Variants in SCFD2 observed in about 807,000 individuals in gnomAD.
The protein encoded by SCFD2 is sec1 family domain-containing protein 2.
SCFD2 carries 54 observed loss-of-function variants against 58.9 expected under a neutral mutation model. The observed-to-expected ratio is 0.92, with a 90% confidence interval of 0.74 to 1.15. The LOEUF is 1.15. Ranked by LOEUF, SCFD2 falls within the 50% of genes most tolerant of loss-of-function variation. The pLI, the probability that SCFD2 is intolerant of heterozygous loss-of-function variation, is 0.00. For missense variants in SCFD2, 805 were observed against 836.6 expected (o/e 0.96, Z 0.47); for synonymous variants, 321 against 335.9 (o/e 0.96, Z 0.49).
At chr4:53,090,583 C>T (rs1724440079) in intron 5 of SCFD2, among the ~76,000 whole-genome samples, 3 of 152,128 alleles carry the variant, frequency 2.0e-5, no homozygotes, top group Non-Finnish European at 4.4e-5. Context: ...CAGTATGTGA[C>T]TTGGGATAAG....
intron 5 of SCFD2, among the ~76,000 whole-genome samples, chr4:53,007,224 A>G (rs1721988176): frequency 6.7e-6 from 1 of 148,356 alleles, no homozygotes; most frequent in African/African-American, 2.5e-5. Context: ...GGTTACAGTG[A>G]GCCATGATTG....
chr4:53,201,359 C>A (rs367746631), intron 4 of SCFD2, among the ~76,000 whole-genome samples: 7 of 152,164 alleles, frequency 4.6e-5, no homozygotes, highest in South Asian at 2.1e-4. Flanking sequence ...TGAACTCATC[C>A]TTTTTTATGG....
intron 4 of SCFD2, among the ~76,000 whole-genome samples, chr4:53,213,110 C>A (rs9998819): frequency 6.6e-6 from 1 of 151,752 alleles, no homozygotes. Context: ...ATGATAATCA[C>A]GATTAAATTA....
At chr4:53,041,731 A>G (rs1722905472) in intron 5 of SCFD2, among the ~76,000 whole-genome samples, 1 of 152,162 alleles carries the variant, frequency 6.6e-6, no homozygotes, top group African/African-American at 2.4e-5. Context: ...AAATTCACAC[A>G]TTACTGCTTC....
chr4:53,093,512 A>G (rs1440511432), intron 5 of SCFD2, among the ~76,000 whole-genome samples: 1 of 152,188 alleles, frequency 6.6e-6, no homozygotes, highest in Non-Finnish European at 1.5e-5. Flanking sequence ...GTACTCACAC[A>G]TGTGTGAAAT....
At chr4:53,028,366 T>C (rs1313480937) in intron 5 of SCFD2, among the ~76,000 whole-genome samples, 6 of 152,234 alleles carry the variant, frequency 3.9e-5, no homozygotes. Context: ...AATATTTTAT[T>C]TTATTGATAA....
intron 5 of SCFD2, among the ~76,000 whole-genome samples, chr4:53,113,495 G>A (rs1436954303): frequency 6.6e-6 from 1 of 152,052 alleles, no homozygotes; most frequent in Non-Finnish European, 1.5e-5. Flanking sequence ...ATTGTTTTAA[G>A]CCACTGAAAT....
rs112701796 is a variant in SCFD2, at chr4:53,291,214, A to T, written c.1136-17213T>A. Among the ~76,000 whole-genome samples the T allele has an allele frequency of 6.3e-3, 956 of 152,260 alleles. 14 individuals carry two copies. Among genetic ancestry groups the T allele is most frequent in the African/African-American group, 0.022 (926 of 41,570 alleles). On this transcript the variant is annotated intron_variant, in intron 3 of 8. Coordinates refer to ENST00000401642, the MANE Select transcript of SCFD2 (RefSeq NM_152540.4). Reference sequence around the variant, plus strand: ...AATCCTCAACAAAATACTAGCATACAAATTTAACAATACATCATAAAGATT... The same window carrying T: ...AATCCTCAACAAAATACTAGCATACTAATTTAACAATACATCATAAAGATT...
chr4:53,016,586 T>TA (rs1722218812), intron 5 of SCFD2, among the ~76,000 whole-genome samples: 1 of 152,256 alleles, frequency 6.6e-6, no homozygotes, highest in African/African-American at 2.4e-5. Flanking sequence ...CTGAGCTCTT[T>TA]AGTCATGAGT....
At chr4:52,896,544 C>T (rs868086332) in intron 7 of SCFD2, among the ~76,000 whole-genome samples, 2,011 of 152,060 alleles carry the variant, frequency 0.013, 45 homozygotes, top group African/African-American at 0.043. Flanking sequence ...ACCAGTACCA[C>T]GCTGTTTTGG....
At chr4:53,347,868 G>C (rs1056593419) in intron 2 of SCFD2, among the ~76,000 whole-genome samples, 1 of 152,238 alleles carries the variant, frequency 6.6e-6, no homozygotes, top group Non-Finnish European at 1.5e-5. Flanking sequence ...AGCAGAACCA[G>C]CAACACTGCA....
intron 5 of SCFD2, among the ~76,000 whole-genome samples, chr4:52,923,959 T>C (rs1028924410): frequency 2.0e-5 from 3 of 152,202 alleles, no homozygotes; most frequent in Non-Finnish European, 4.4e-5. Flanking sequence ...GAATCAATTA[T>C]ATCTAGGAGT....
chr4:53,151,740 A>G (rs1299450423), intron 4 of SCFD2, among the ~76,000 whole-genome samples: 2 of 152,166 alleles, frequency 1.3e-5, no homozygotes, highest in African/African-American at 4.8e-5. Flanking sequence ...ATGAAGGAAT[A>G]CCTGAGGCTT....
At chr4:53,228,434 A>C (rs1729301682) in intron 4 of SCFD2, among the ~76,000 whole-genome samples, 1 of 152,182 alleles carries the variant, frequency 6.6e-6, no homozygotes, top group South Asian at 2.1e-4. Flanking sequence ...TTGTCACTTA[A>C]ACTTGTTGTC....
chr4:53,175,488 T>C (rs981136014), intron 4 of SCFD2, among the ~76,000 whole-genome samples: 1 of 152,234 alleles, frequency 6.6e-6, no homozygotes. Context: ...TTTTCATTTC[T>C]TTAGCATTCA....
At chr4:53,221,014 A>G (rs1729031961) in intron 4 of SCFD2, among the ~76,000 whole-genome samples, 1 of 152,250 alleles carries the variant, frequency 6.6e-6, no homozygotes, top group African/African-American at 2.4e-5. Flanking sequence ...AAATACTGGC[A>G]GATAAGAAGG....
chr4:53,214,788 C>A (rs952833946), intron 4 of SCFD2, among the ~76,000 whole-genome samples: 1 of 152,046 alleles, frequency 6.6e-6, no homozygotes, highest in African/African-American at 2.4e-5. Context: ...GGTTTTAGGT[C>A]TAACATGTAA....
intron 4 of SCFD2, among the ~76,000 whole-genome samples, chr4:53,163,274 C>T (rs1469986624): frequency 6.6e-6 from 1 of 152,232 alleles, no homozygotes; most frequent in Non-Finnish European, 1.5e-5. Flanking sequence ...AAGTCAAAAT[C>T]AGGAAGGTAG....
chr4:53,140,977 C>T (rs1726119360), intron 5 of SCFD2, among the ~76,000 whole-genome samples: 2 of 152,042 alleles, frequency 1.3e-5, no homozygotes, highest in Admixed American at 1.3e-4. Flanking sequence ...CAATCATATA[C>T]CCAAAAGATA....
Sources: allele counts gnomAD v4.1 joint callset (sites outside exome capture counted in the v4.1 genomes callset), GRCh38; gene constraint gnomAD v4.1.1; transcripts MANE v1.5; gene names NCBI Gene and HGNC (gene_info 2026-07-23, HGNC 2026-07-21).